TWSG1: variants seen among roughly 807,000 people sequenced by gnomAD.
TWSG1 encodes twisted gastrulation BMP signaling modulator 1, also known as twisted gastrulation protein homolog 1.
TWSG1 carries 15 observed loss-of-function variants against 23.0 expected under a neutral mutation model. The ratio of observed to expected loss-of-function variants is 0.65; its 90% CI spans 0.44 to 1.00. The LOEUF is 1.00. TWSG1 is among the 50% of genes least tolerant of loss of function. The pLI is 0.00. For synonymous variants in TWSG1, 86 were observed against 92.8 expected, an observed-to-expected ratio of 0.93 and a Z score of 0.42; for missense variants, 242 against 278.7, an observed-to-expected ratio of 0.87 and a Z score of 0.94.
At chr18:9,398,004 C>CAAAAAAAAAAAAAAAA (rs573745689) in intron 4 of TWSG1, among the ~76,000 whole-genome samples, 1 of 84,738 alleles carries the variant, frequency 1.2e-5, no homozygotes, top group Non-Finnish European at 2.3e-5. Context: ...AACTCCATCT[C>CAAAAAAAAAAAAAAAA]AAAAAAAAAA....
At chr18:9,396,670 C>T in intron 4 of TWSG1, 124 bp downstream of exon 4, 1 of 1,230,856 alleles carries the variant, frequency 8.1e-7, no homozygotes, top group Non-Finnish European at 1.1e-6. Context: ...TATCATCTCA[C>T]ATAAATTCTA....
chr18:9,395,986 T>C (rs2040733030), intron 3 of TWSG1, among the ~76,000 whole-genome samples: 1 of 152,114 alleles, frequency 6.6e-6, no homozygotes, highest in African/African-American at 2.4e-5. Flanking sequence ...CTGGCACAAA[T>C]GTGTTCCTGG....
At chr18:9,337,460 ATTGGG>A in intron 2 of TWSG1, 108 bp downstream of exon 2, 14 of 1,241,184 alleles carry the variant, frequency 1.1e-5, no homozygotes, top group Non-Finnish European at 1.4e-5. Flanking sequence ...AGACCTGAGT[ATTGGG>A]TCAGGGCCTG....
chr18:9,337,361 A>G lies in TWSG1; in HGVS notation c.123+9A>G, dbSNP rs1173905501. 1.2e-6 allele frequency: 2 copies of G among 1,611,654 alleles called. No individual in the cohort carries two copies. Among genetic ancestry groups the G allele is most frequent in the Non-Finnish European group, 1.7e-6 (2 of 1,179,348 alleles). On this transcript the variant is annotated intron_variant, in intron 2 of 4. Coordinates refer to ENST00000262120, the MANE Select transcript of TWSG1 (RefSeq NM_020648.6). The stretch of plus-strand genomic sequence containing the variant: ...GCAAATGCCTCATTCAGGTAGGACT[A>G]AGAGTACTTTTATTAATATCAAAAT...
intron 2 of TWSG1, among the ~76,000 whole-genome samples, chr18:9,354,367 A>G (rs2040515480): frequency 6.6e-6 from 1 of 152,204 alleles, no homozygotes; most frequent in Non-Finnish European, 1.5e-5. Context: ...GCATTGAGTC[A>G]GTCTTTATTT....
intron 3 of TWSG1, among the ~76,000 whole-genome samples, chr18:9,381,214 C>G (rs375217939): frequency 6.6e-6 from 1 of 152,182 alleles, no homozygotes; most frequent in South Asian, 2.1e-4. Context: ...TTCTGGGTAA[C>G]TGCCAGCACA....
chr18:9,392,914 G>C (rs560647678), intron 3 of TWSG1, among the ~76,000 whole-genome samples: 63 of 152,336 alleles, frequency 4.1e-4, no homozygotes, highest in African/African-American at 1.5e-3. Context: ...AGAATGACCA[G>C]TTGGTGGAGC....
At chr18:9,344,911 C>T (rs2040469706) in intron 2 of TWSG1, among the ~76,000 whole-genome samples, 1 of 152,052 alleles carries the variant, frequency 6.6e-6, no homozygotes, top group Non-Finnish European at 1.5e-5. Flanking sequence ...CCACACTCAG[C>T]TAATTTTTAA....
chr18:9,335,192 C>T (rs1334892522), intron 1 of TWSG1, among the ~76,000 whole-genome samples: 1 of 152,076 alleles, frequency 6.6e-6, no homozygotes, highest in Non-Finnish European at 1.5e-5. Flanking sequence ...TCGGCCGAGC[C>T]GGGGTGGGGG....
intron 4 of TWSG1, 46 bp downstream of exon 4, chr18:9,396,592 T>A: frequency 6.3e-7 from 1 of 1,589,128 alleles, no homozygotes; most frequent in Non-Finnish European, 8.5e-7. Context: ...CCTCATGTGG[T>A]CTGTCCATGT....
chr18:9,388,598 A>G (rs1378068199), intron 3 of TWSG1, among the ~76,000 whole-genome samples: 2 of 152,236 alleles, frequency 1.3e-5, no homozygotes, highest in East Asian at 3.8e-4. Context: ...CAGGTTTACT[A>G]GTTTTAGTGC....
chr18:9,399,354 T>G lies in TWSG1; in HGVS notation c.499T>G (p.Cys167Gly). The change falls in exon 5 of 5, where the codon TGT (cysteine) becomes GGT (glycine). Residue 167 changes from cysteine to glycine, a missense_variant. Physicochemically the swap from Cys to Gly is radical, Grantham distance 159 (BLOSUM62 -3). Coordinates refer to ENST00000262120, the MANE Select transcript of TWSG1 (RefSeq NM_020648.6). ...APYSSDKEHM[C>G]TVVYFDDCMS... ...AAATTTTTGTTTTTCAGAACACATG[T>G]GTACTGTGGTTTATTTTGATGACTG... The G allele has an allele frequency of 6.3e-7, 1 of 1,599,626 alleles. No individual in the cohort carries two copies. Among genetic ancestry groups the G allele is most frequent in the Non-Finnish European group, 8.5e-7 (1 of 1,176,110 alleles).
At chr18:9,338,084 A>C (rs2040430771) in intron 2 of TWSG1, among the ~76,000 whole-genome samples, 1 of 152,236 alleles carries the variant, frequency 6.6e-6, no homozygotes, top group African/African-American at 2.4e-5. Flanking sequence ...CAGGCTGTGC[A>C]CTCAGAAATT....
At chr18:9,368,871 C>A (rs1297819511) in intron 3 of TWSG1, among the ~76,000 whole-genome samples, 1 of 152,002 alleles carries the variant, frequency 6.6e-6, no homozygotes, top group East Asian at 1.9e-4. Context: ...TCGCTTGAGC[C>A]TGGGAGGTGA....
intron 4 of TWSG1, 116 bp downstream of exon 4, chr18:9,396,662 T>A (rs2040738202): frequency 7.8e-7 from 1 of 1,278,054 alleles, no homozygotes; most frequent in African/African-American, 1.5e-5. Context: ...TGAATTTGTA[T>A]CATCTCACAT....
chr18:9,396,171 G>T (rs1179647460), intron 3 of TWSG1, 109 bp from the exon 4 acceptor site: 40 of 702,246 alleles, frequency 5.7e-5, no homozygotes, highest in East Asian at 9.2e-5. Context: ...AAAAAAAAAG[G>T]TAGGAAAATA....
At chr18:9,388,260 T>C (rs1240574508) in intron 3 of TWSG1, 1 of 152,242 alleles carries the variant, frequency 6.6e-6, no homozygotes, top group Non-Finnish European at 1.5e-5. Flanking sequence ...GGTCATGCCA[T>C]GTGAAATGTA....
At chr18:9,373,269 A>G (rs1568036557) in intron 3 of TWSG1, among the ~76,000 whole-genome samples, 1 of 152,154 alleles carries the variant, frequency 6.6e-6, no homozygotes, top group Admixed American at 6.5e-5. Flanking sequence ...GGCCAGGTGC[A>G]GTGGCTCATG....
chr18:9,338,279 A>G (rs2040431435), intron 2 of TWSG1, among the ~76,000 whole-genome samples: 1 of 152,180 alleles, frequency 6.6e-6, no homozygotes, highest in Non-Finnish European at 1.5e-5. Context: ...ACTTGCCCCC[A>G]TTTCGTACTC....
Sources: allele counts gnomAD v4.1 joint callset (sites outside exome capture counted in the v4.1 genomes callset), GRCh38; gene constraint gnomAD v4.1.1; transcripts MANE v1.5; gene names NCBI Gene and HGNC (gene_info 2026-07-23, HGNC 2026-07-21).